The following AP5S1 variants were observed in gnomAD, a reference collection of about 807,000 sequenced individuals.
The protein encoded by AP5S1 is adaptor related protein complex 5 subunit sigma 1.
Under a neutral mutation model 13.9 loss-of-function variants are expected in AP5S1, and 13 were observed. That is an observed-to-expected ratio of 0.94 (90% CI 0.61 to 1.49). The LOEUF is 1.49. Among genes scored for constraint, AP5S1 ranks in the 40% most tolerant of loss-of-function variants. The pLI, the probability that AP5S1 is intolerant of heterozygous loss-of-function variation, is 0.00. For missense variants in AP5S1, 292 were observed against 272.3 expected (o/e 1.07, Z -0.51); for synonymous variants, 132 against 121.8 (o/e 1.08, Z -0.55).
chr20:3,826,493 T>C lies in AP5S1; in HGVS notation c.*2196T>C, dbSNP rs971934203. Reference sequence around the variant, plus strand: ...GGCTCAAGCTTACTGATCTGAATTCTTTCTGCCTTTTTTTCAAACGGAACT... The same window carrying C: ...GGCTCAAGCTTACTGATCTGAATTCCTTCTGCCTTTTTTTCAAACGGAACT... On this transcript the variant is annotated 3_prime_UTR_variant, in exon 3 of 3. Transcript: ENST00000615891. 33 of 152,234 alleles carry C rather than the reference T, an allele frequency of 2.2e-4. No homozygotes were observed. Among genetic ancestry groups the C allele is most frequent in the African/African-American group, 7.5e-4 (31 of 41,444 alleles). 9.4% of individuals were successfully genotyped at this position (152,234 alleles called of 1,614,324 possible). A position where few individuals can be genotyped will look rare whatever the true frequency, so the allele number is the denominator to read the frequency against.
intron 2 of AP5S1, 64 bp downstream of exon 2, chr20:3,822,357 G>T: frequency 1.3e-6 from 2 of 1,510,844 alleles, no homozygotes; most frequent in Non-Finnish European, 1.8e-6. Context: ...AGGTATTTTC[G>T]GGGAGTGGGG....
Position 3,824,830 on chromosome 20 carries a change from GC to G in AP5S1, c.*534del, listed in dbSNP as rs1205276682. ...ACCTGTAATCCTAGCTGCTCAGGGG[GC>G]TGAGTCATGGGAATCACTTGAACCT... is the stretch of plus-strand genomic sequence containing the variant. On this transcript the variant is annotated 3_prime_UTR_variant, in exon 3 of 3. Coordinates refer to ENST00000615891, the MANE Select transcript of AP5S1 (RefSeq NM_018347.3). 1 of 152,686 alleles carries G rather than the reference GC, an allele frequency of 6.5e-6. No individual in the cohort carries two copies. Among genetic ancestry groups the G allele is most frequent in the Admixed American group, 6.5e-5 (1 of 15,300 alleles). 9.5% of individuals were successfully genotyped at this position (152,686 alleles called of 1,614,324 possible).
At position 3,826,291 on chromosome 20, in the gene AP5S1, G is replaced by A. The variant is rs2089624371; in HGVS notation, c.*1994G>A. On this transcript the variant is annotated 3_prime_UTR_variant, in exon 3 of 3. Coordinates refer to ENST00000615891, the MANE Select transcript of AP5S1 (RefSeq NM_018347.3). The stretch of plus-strand genomic sequence containing the variant: ...CCACCTTGACCATGAAGACCTAAAG[G>A]GATGTTACTCTGTGTGTGTGGCCAA... The A allele has an allele frequency of 1.3e-5, 2 of 152,186 alleles. No individual in the cohort carries two copies. Among genetic ancestry groups the A allele is most frequent in the Admixed American group, 1.3e-4 (2 of 15,274 alleles). 9.4% of individuals were successfully genotyped at this position (152,186 alleles called of 1,614,324 possible).
Position 3,824,610 on chromosome 20 carries a change from G to A in AP5S1, c.*313G>A, listed in dbSNP as rs992696602. ...GCCGATAGTGCTAGGGTGAGGAGCT[G>A]CCTGGAGCTCACCCCGCTCTTCTTC... On this transcript the variant is annotated 3_prime_UTR_variant, in exon 3 of 3. Coordinates refer to ENST00000615891, the MANE Select transcript of AP5S1 (RefSeq NM_018347.3). 14 of 366,162 alleles carry A rather than the reference G, an allele frequency of 3.8e-5. No individual in the cohort carries two copies. Among genetic ancestry groups the A allele is most frequent in the Middle Eastern group, 7.5e-4 (1 of 1,328 alleles). 22.7% of individuals were successfully genotyped at this position (366,162 alleles called of 1,614,324 possible).
chr20:3,823,818 G>A (rs1256260978), intron 2 of AP5S1, 53 bp from the exon 3 acceptor site: 24 of 1,559,430 alleles, frequency 1.5e-5, no homozygotes, highest in Non-Finnish European at 1.6e-5. Context: ...TGATCATGAG[G>A]ATGACAGAGT....
Position 3,823,867 on chromosome 20 carries a change from C to G in AP5S1, c.177-4C>G. The G allele has an allele frequency of 6.3e-7, 1 of 1,596,208 alleles. No individual in the cohort carries two copies. Among genetic ancestry groups the G allele is most frequent in the Non-Finnish European group, 8.5e-7 (1 of 1,175,828 alleles). On this transcript the variant is annotated splice_polypyrimidine_tract_variant and splice_region_variant and intron_variant, in intron 2 of 2. Coordinates refer to ENST00000615891, the MANE Select transcript of AP5S1 (RefSeq NM_018347.3). ...CACCAGCCTGACCTGCCCACTCTCC[C>G]CAGGCAGGTAGAGTCAATGTGTCGG...
rs543835049 is a variant in AP5S1 at position 3,825,499 on chromosome 20, A to G, written c.*1202A>G. ...TTTGGATGGTGGCACACATTTCTCC[A>G]CCAAAGTATATGTCACAGGTGGCAG... On this transcript the variant is annotated 3_prime_UTR_variant, in exon 3 of 3. Transcript: ENST00000615891. The G allele has an allele frequency of 6.6e-6, 1 of 152,428 alleles. No homozygotes were observed. The highest frequency in any genetic ancestry group is 6.5e-5 in the Admixed American group (1 of 15,284). The allele number at this position is 152,428 out of a possible 1,614,324, so 9.4% of individuals were successfully genotyped here.
intron 2 of AP5S1, 84 bp from the exon 3 acceptor site, chr20:3,823,787 G>A: frequency 1.3e-6 from 2 of 1,534,172 alleles, no homozygotes; most frequent in Admixed American, 1.8e-5. Flanking sequence ...TGGGGATGAT[G>A]GTAGCTCCCA....
intron 2 of AP5S1, among the ~76,000 whole-genome samples, chr20:3,822,715 T>TAGGC (rs1295487304): frequency 2.6e-5 from 4 of 152,094 alleles, no homozygotes; most frequent in Admixed American, 6.6e-5. Context: ...GATTTGAGAG[T>TAGGC]AGGCAGGCAG....
chr20:3,820,939 G>A (rs1202116469), intron 1 of AP5S1, 181 bp downstream of exon 1: 4 of 152,190 alleles, frequency 2.6e-5, no homozygotes, highest in African/African-American at 9.7e-5. Context: ...GGTCTGTTTA[G>A]CCTTAGCTAC....
intron 1 of AP5S1, chr20:3,821,878 C>CTTT: frequency 6.0e-6 from 5 of 828,360 alleles, no homozygotes; most frequent in African/African-American, 2.0e-5. Context: ...TTTCTTTTTT[C>CTTT]TTTTTTTTTT....
rs982345489 is a variant in AP5S1, at chr20:3,827,539, G to A, written c.*3242G>A. On this transcript the variant is annotated 3_prime_UTR_variant, in exon 3 of 3. Transcript: ENST00000615891. ...GCCTCTCAAAGTACCGGGATTATAG[G>A]CGTGAGCCACCACGACTGACTGGCA... The A allele has an allele frequency of 3.9e-5, 6 of 152,194 alleles. No homozygotes were observed. The highest frequency in any genetic ancestry group is 1.4e-4 in the African/African-American group (6 of 41,414). 9.4% of individuals were successfully genotyped at this position (152,194 alleles called of 1,614,324 possible).
chr20:3,824,069 G>T lies in AP5S1; in HGVS notation c.375G>T (p.Val125=). Residue 125 remains valine, a synonymous_variant, in exon 3 of 3, where the codon GTG becomes GTT. Transcript: ENST00000615891. The part of the protein sequence containing the change: ...LGVLSLGFAL[V]LDAHENLLLA... ...TGCTCTCGTTAGGCTTTGCCCTGGTGCTGGATGCCCATGAGAACCTGCTAC... is the reference window on the plus strand; with the variant it reads ...TGCTCTCGTTAGGCTTTGCCCTGGTTCTGGATGCCCATGAGAACCTGCTAC... 6.2e-7 allele frequency: 1 copy of T among 1,613,914 alleles called. No homozygotes were observed. Among genetic ancestry groups the T allele is most frequent in the South Asian group, 1.1e-5 (1 of 91,086 alleles).
intron 2 of AP5S1, among the ~76,000 whole-genome samples, chr20:3,822,835 C>T (rs1177370285): frequency 6.6e-6 from 1 of 152,144 alleles, no homozygotes; most frequent in African/African-American, 2.4e-5. Context: ...CATGAGGACT[C>T]CAGAAAGCCA....
Position 3,822,270 on chromosome 20 carries a change from G to A in AP5S1, c.153G>A (p.Lys51=). 6.2e-7 allele frequency: 1 copy of A among 1,614,134 alleles called. No homozygotes were observed. Among genetic ancestry groups the A allele is most frequent in the Non-Finnish European group, 8.5e-7 (1 of 1,180,028 alleles). ...CCGAGAGGGACAGGCTTCTCCGGAA[G>A]GAACAGATTTTAGCTGTGGCCAGGT... is the stretch of plus-strand genomic sequence containing the variant. The part of the protein sequence containing the change: ...HGAERDRLLR[K]EQILAVARQV... The change falls in exon 2 of 3, where the codon AAG becomes AAA. Residue 51 remains lysine, a synonymous_variant. Transcript: ENST00000615891.
Position 3,827,159 on chromosome 20 carries a change from T to C in AP5S1, c.*2862T>C, listed in dbSNP as rs1460662903. ...ACTAGAGACTTTGAGCAGCTAGTAG[T>C]GTTACCAGTGTACCTCCACAAACAC... On this transcript the variant is annotated 3_prime_UTR_variant, in exon 3 of 3. Transcript: ENST00000615891. 2.0e-5 allele frequency: 3 copies of C among 152,192 alleles called. No homozygotes were observed. Among genetic ancestry groups the C allele is most frequent in the African/African-American group, 7.2e-5 (3 of 41,420 alleles). The allele number at this position is 152,192 out of a possible 1,614,324, so 9.4% of individuals were successfully genotyped here.
At position 3,822,266 on chromosome 20, in the gene AP5S1, G is replaced by A. The variant is rs151265745; in HGVS notation, c.149G>A (p.Arg50Gln). ...GGTGCCGAGAGGGACAGGCTTCTCC[G>A]GAAGGAACAGATTTTAGCTGTGGCC... Reference protein sequence around the residue: ...PHGAERDRLLRKEQILAVARQ... With the variant: ...PHGAERDRLLQKEQILAVARQ... The change falls in exon 2 of 3, where the codon CGG (arginine) becomes CAG (glutamine). Residue 50 changes from arginine (R) to glutamine (Q), a missense_variant. Arg to Gln is a conservative substitution (Grantham distance 43). Coordinates refer to ENST00000615891, the MANE Select transcript of AP5S1 (RefSeq NM_018347.3). The A allele has an allele frequency of 3.2e-4, 522 of 1,614,084 alleles. 2 individuals are homozygous for A. In the Middle Eastern group the frequency reaches 6.8e-3, roughly 21 times the overall value.
rs149938656 is a variant in AP5S1 at position 3,823,923 on chromosome 20, A to G, written c.229A>G (p.Met77Val). The change falls in exon 3 of 3, where the codon ATG becomes GTG. Residue 77 changes from methionine (M) to valine (V), a missense_variant. Coordinates refer to ENST00000615891, the MANE Select transcript of AP5S1 (RefSeq NM_018347.3). ...LQQQASGRPP[M>V]DLQPQSSDEQ... is the part of the protein sequence containing the mutation. ...GCAGCAGGCATCTGGCCGGCCCCCC[A>G]TGGACCTGCAGCCGCAATCCTCAGA... 2.1e-5 allele frequency: 34 copies of G among 1,604,522 alleles called. No homozygotes were observed. In the Admixed American group the frequency reaches 2.5e-4, roughly 12 times the overall value.
chr20:3,821,460 C>T (rs1813509660), intron 1 of AP5S1, among the ~76,000 whole-genome samples: 1 of 152,150 alleles, frequency 6.6e-6, no homozygotes, highest in South Asian at 2.1e-4. Flanking sequence ...GCAGCCTCCC[C>T]TCCCGGGTTC....
Sources: allele counts gnomAD v4.1 joint callset (sites outside exome capture counted in the v4.1 genomes callset), GRCh38; gene constraint gnomAD v4.1.1; transcripts MANE v1.5; gene names NCBI Gene and HGNC (gene_info 2026-07-23, HGNC 2026-07-21).